The following EGR2 variants were observed in gnomAD, a reference collection of about 807,000 sequenced individuals.
EGR2 encodes the protein E3 SUMO-protein ligase EGR2.
In EGR2, 2 loss-of-function variants were observed where a neutral mutation model predicts 21.2. The ratio of observed to expected loss-of-function variants is 0.09; its 90% CI spans 0.04 to 0.30. The LOEUF (loss-of-function observed/expected upper bound fraction) is 0.30. Among genes scored for constraint, EGR2 ranks in the 10% least tolerant of loss-of-function variants. The pLI is 1.00. For missense variants in EGR2, 458 were observed against 630.2 expected (o/e 0.73, Z 2.93); for synonymous variants, 282 against 258.2 (o/e 1.09, Z -0.88).
Position 62,813,831 on chromosome 10 carries a change from A to G in EGR2, c.807T>C (p.Arg269=), listed in dbSNP as rs1367488546. 1.2e-6 allele frequency: 2 copies of G among 1,613,834 alleles called. No homozygotes were observed. The highest frequency in any genetic ancestry group is 1.7e-6 in the Non-Finnish European group (2 of 1,179,952). The part of the protein sequence containing the change: ...PPPLTPLSTI[R]NFTLGGPSAG... ...CACTGGGGCCCCCCAGGGTAAAGTTACGGATTGTAGAGAGTGGAGTGAGTG... is the reference window on the plus strand; with the variant it reads ...CACTGGGGCCCCCCAGGGTAAAGTTGCGGATTGTAGAGAGTGGAGTGAGTG... Residue 269 remains arginine, a synonymous_variant, in exon 2 of 2, where the codon CGT becomes CGC. Coordinates refer to ENST00000242480, the MANE Select transcript of EGR2 (RefSeq NM_000399.5). The surrounding 1 kb of genome is among the most constrained non-coding windows in gnomAD (Gnocchi z 5.7).
Position 62,813,498 on chromosome 10 carries a change from G to A in EGR2, c.1140C>T (p.Ser380=). 6.2e-7 allele frequency: 1 copy of A among 1,614,068 alleles called. No homozygotes were observed. The highest frequency in any genetic ancestry group is 8.5e-7 in the Non-Finnish European group (1 of 1,180,044). Residue 380 remains serine, a synonymous_variant, in exon 2 of 2, where the codon AGC becomes AGT. Coordinates refer to ENST00000242480, the MANE Select transcript of EGR2 (RefSeq NM_000399.5). The surrounding 1 kb of genome is among the most constrained non-coding windows in gnomAD (Gnocchi z 5.7). ...FQCRICMRNF[S]RSDHLTTHIR... ...TATGGGTGGTGAGGTGGTCACTGCG[G>A]CTGAAGTTGCGCATGCAGATCCGAC...
In EGR2 at chr10:62,812,084, T is replaced by A. The variant is rs1169954409; in HGVS notation, c.*1123A>T. On this transcript the variant is annotated 3_prime_UTR_variant, in exon 2 of 2. Transcript: ENST00000242480. ...GTGGTTTTGCGTTAGAATAGATTTA[T>A]TTTTTCACAACTATTAAGAGCTAAT... 1 of 152,810 alleles carries A rather than the reference T, an allele frequency of 6.5e-6. No homozygotes were observed. The highest frequency in any genetic ancestry group is 1.9e-4 in the East Asian group (1 of 5,338). 9.5% of individuals were successfully genotyped at this position (152,810 alleles called of 1,614,324 possible). A position where few individuals can be genotyped will look rare whatever the true frequency, so the allele number is the denominator to read the frequency against.
At chr10:62,817,167 C>A (rs1358190646), upstream of EGR2, among the ~76,000 whole-genome samples, 1 of 152,210 alleles carries the variant, frequency 6.6e-6, no homozygotes, top group Non-Finnish European at 1.5e-5. The surrounding 1 kb of genome is among the most constrained non-coding windows in gnomAD (Gnocchi z 4.4). Context: ...CCTCCTTCCT[C>A]TGCCCGCGCG....
Position 62,813,117 on chromosome 10 carries a change from A to G in EGR2, c.*90T>C. On this transcript the variant is annotated 3_prime_UTR_variant, in exon 2 of 2. Coordinates refer to ENST00000242480, the MANE Select transcript of EGR2 (RefSeq NM_000399.5). The surrounding 1 kb of genome is among the most constrained non-coding windows in gnomAD (Gnocchi z 5.7). ...TTGCCCAACAAAGGGAGAGAGGGAC[A>G]GGAAAGGGTGGTAGTGTTTGTTGTG... is the stretch of plus-strand genomic sequence containing the variant. The G allele has an allele frequency of 7.3e-7, 1 of 1,377,476 alleles. No homozygotes were observed. Among genetic ancestry groups the G allele is most frequent in the Non-Finnish European group, 9.8e-7 (1 of 1,023,660 alleles). The allele number at this position is 1,377,476 out of a possible 1,614,324, so 85.3% of individuals were successfully genotyped here.
upstream of EGR2, among the ~76,000 whole-genome samples, chr10:62,818,077 G>A (rs1026250278): frequency 3.9e-5 from 6 of 152,246 alleles, no homozygotes; most frequent in African/African-American, 1.4e-4. Flanking sequence ...GCCCGGAGCG[G>A]CCCTAGCTTA....
chr10:62,816,508 C>T (rs1842274322), upstream of EGR2: 2 of 428,352 alleles, frequency 4.7e-6, no homozygotes, highest in Non-Finnish European at 6.4e-6. Context: ...GGCTCGGCCG[C>T]GCGGACTCCG....
rs763697987 is a variant in EGR2 at position 62,813,836 on chromosome 10, T to C, written c.802A>G (p.Ile268Val). The C allele has an allele frequency of 3.7e-6, 6 of 1,613,820 alleles. No individual in the cohort carries two copies. The highest frequency in any genetic ancestry group is 1.3e-5 in the African/African-American group (1 of 74,936). Residue 268 changes from isoleucine to valine, a missense_variant, in exon 2 of 2, where the codon ATC becomes GTC. By Grantham distance (29) the Ile-to-Val change is conservative (BLOSUM62 3). This residue lies in a region of EGR2 where 253 missense variants were observed against 315.5 expected (regional missense o/e 0.80). Transcript: ENST00000242480. The surrounding 1 kb of genome is among the most constrained non-coding windows in gnomAD (Gnocchi z 5.7). ...VPPPLTPLST[I>V]RNFTLGGPSA... ...GGGCCCCCCAGGGTAAAGTTACGGA[T>C]TGTAGAGAGTGGAGTGAGTGGAGGG...
At position 62,816,311 on chromosome 10, in the gene EGR2, A is replaced by G. The variant is rs575638651; in HGVS notation, c.-282T>C. The G allele has an allele frequency of 9.4e-5, 123 of 1,311,580 alleles. No individual in the cohort carries two copies. In the Admixed American group the frequency reaches 3.4e-3, roughly 36 times the overall value. 81.2% of individuals were successfully genotyped at this position (1,311,580 alleles called of 1,614,324 possible). A position where few individuals can be genotyped will look rare whatever the true frequency, so the allele number is the denominator to read the frequency against. On this transcript the variant is annotated 5_prime_UTR_variant, in exon 1 of 2. Coordinates refer to ENST00000242480, the MANE Select transcript of EGR2 (RefSeq NM_000399.5). ...CAGGAGTTGCTGGTGTAGTGTTATT[A>G]TAACAGTCAGTGAGTCCCCTCGCCG...
In EGR2 at chr10:62,813,841, G is replaced by A. The variant is rs1842187215; in HGVS notation, c.797C>T (p.Ser266Phe). 1 of 1,614,168 alleles carries A rather than the reference G, an allele frequency of 6.2e-7. No individual in the cohort carries two copies. Among genetic ancestry groups the A allele is most frequent in the Non-Finnish European group, 8.5e-7 (1 of 1,180,034 alleles). Reference sequence around the variant, plus strand: ...CCCCAGGGTAAAGTTACGGATTGTAGAGAGTGGAGTGAGTGGAGGGGGCAC... The same window carrying A: ...CCCCAGGGTAAAGTTACGGATTGTAAAGAGTGGAGTGAGTGGAGGGGGCAC... ...LRVPPPLTPL[S>F]TIRNFTLGGP... The change falls in exon 2 of 2, where the codon TCT (serine) becomes TTT (phenylalanine). Residue 266 changes from serine to phenylalanine, a missense_variant. Physicochemically the swap from Ser to Phe is radical, Grantham distance 155. Coordinates refer to ENST00000242480, the MANE Select transcript of EGR2 (RefSeq NM_000399.5). The surrounding 1 kb of genome is among the most constrained non-coding windows in gnomAD (Gnocchi z 5.7).
rs965148587 is a variant in EGR2, at chr10:62,813,459, G to A, written c.1179C>T (p.Thr393=). Residue 393 remains threonine (T), a synonymous_variant, in exon 2 of 2, where the codon ACC becomes ACT. Coordinates refer to ENST00000242480, the MANE Select transcript of EGR2 (RefSeq NM_000399.5). The surrounding 1 kb of genome is among the most constrained non-coding windows in gnomAD (Gnocchi z 5.7). ...AGTCACAGGCGAAGGGCTTCTCACC[G>A]GTGTGGGTGCGGATATGGGTGGTGA... ...DHLTTHIRTH[T]GEKPFACDYC... 39 of 1,614,094 alleles carry A rather than the reference G, an allele frequency of 2.4e-5. No homozygotes were observed. Among genetic ancestry groups the A allele is most frequent in the Non-Finnish European group, 3.2e-5 (38 of 1,180,058 alleles).
At chr10:62,818,551 A>C (rs2132718267), upstream of EGR2, 2 of 1,264,462 alleles carry the variant, frequency 1.6e-6, no homozygotes, top group African/African-American at 1.5e-5. Context: ...CACGTGCGCC[A>C]GCCCACTCCG....
At chr10:62,818,702 T>A (rs1232808051), upstream of EGR2, 1 of 1,018,946 alleles carries the variant, frequency 9.8e-7, no homozygotes, top group Non-Finnish European at 1.3e-6. Context: ...ATCCCTGCGA[T>A]GGGGCTCGGG....
chr10:62,815,218 C>A (rs1431168685), intron 1 of EGR2, among the ~76,000 whole-genome samples: 2 of 152,256 alleles, frequency 1.3e-5, no homozygotes, highest in African/African-American at 4.8e-5. Context: ...CCGGTGCCCC[C>A]GCGGGCCTCC....
chr10:62,816,484 GA>G (rs1370663246), upstream of EGR2: 12 of 632,110 alleles, frequency 1.9e-5, no homozygotes, highest in Non-Finnish European at 2.5e-5. Context: ...TCACATGGCT[GA>G]TTTGCATACA....
chr10:62,816,502 C>A (rs1321953770), upstream of EGR2: 1 of 472,242 alleles, frequency 2.1e-6, no homozygotes, highest in Admixed American at 5.5e-5. Context: ...TACACGGGCT[C>A]GGCCGCGCGG....
chr10:62,814,636 A>C lies in EGR2; in HGVS notation c.170-168T>G, dbSNP rs1842215748. ...ATTGAGGCCCACAGACTGTAAGAAG[A>C]GGCCAGCCCAACTGTGGCAACCCAT... On this transcript the variant is annotated intron_variant, in intron 1 of 1. Coordinates refer to ENST00000242480, the MANE Select transcript of EGR2 (RefSeq NM_000399.5). This position sits in a 1 kb window ranked among gnomAD's most constrained non-coding sequence, Gnocchi z 4.8. Among the ~76,000 whole-genome samples, 1 of 152,142 alleles carries C rather than the reference A, an allele frequency of 6.6e-6. No homozygotes were observed.
intron 1 of EGR2, among the ~76,000 whole-genome samples, chr10:62,815,119 T>A (rs978222201): frequency 2.0e-5 from 3 of 152,212 alleles, no homozygotes; most frequent in Non-Finnish European, 4.4e-5. Context: ...CGTCCCCGCC[T>A]CAGCCCAAGG....
Position 62,812,297 on chromosome 10 carries a change from G to T in EGR2, c.*910C>A, listed in dbSNP as rs531606072. The stretch of plus-strand genomic sequence containing the variant: ...GAGTGATTTTTTTTCTCCATAATAA[G>T]GCAACCCATTTACATGCAGACCTTG... On this transcript the variant is annotated 3_prime_UTR_variant, in exon 2 of 2. Coordinates refer to ENST00000242480, the MANE Select transcript of EGR2 (RefSeq NM_000399.5). The T allele has an allele frequency of 6.5e-6, 1 of 152,734 alleles. No homozygotes were observed. The highest frequency in any genetic ancestry group is 1.9e-4 in the East Asian group (1 of 5,328). The allele number at this position is 152,734 out of a possible 1,614,324, so 9.5% of individuals were successfully genotyped here. A position where few individuals can be genotyped will look rare whatever the true frequency, so the allele number is the denominator to read the frequency against.
chr10:62,815,134 T>G (rs1842227866), intron 1 of EGR2, among the ~76,000 whole-genome samples: 1 of 152,234 alleles, frequency 6.6e-6, no homozygotes, highest in Non-Finnish European at 1.5e-5. Context: ...CCAAGGCCAG[T>G]GGCCCGGCCT....
Sources: allele counts gnomAD v4.1 joint callset (sites outside exome capture counted in the v4.1 genomes callset), GRCh38; gene constraint gnomAD v4.1.1; regional missense constraint gnomAD v4.1.1; non-coding constraint Gnocchi (gnomAD v3.1); transcripts MANE v1.5; gene names NCBI Gene and HGNC (gene_info 2026-07-23, HGNC 2026-07-21).